Variants in JTB observed in about 807,000 individuals in gnomAD.
JTB encodes protein JTB.
Under a neutral mutation model 22.1 loss-of-function variants are expected in JTB, and 10 were observed. That is an observed-to-expected ratio of 0.45 (90% CI 0.28 to 0.77). The LOEUF (loss-of-function observed/expected upper bound fraction) is 0.77. Ranked by LOEUF, JTB falls within the 30% of genes least tolerant of loss-of-function variation. The pLI is 0.13. For synonymous variants in JTB, 83 were observed against 66.8 expected (o/e 1.24, Z -1.18); for missense variants, 137 against 180.3 (o/e 0.76, Z 1.38).
At chr1:153,977,090 A>G in intron 1 of JTB, 77 bp from the exon 2 acceptor site, 2 of 1,614,034 alleles carry the variant, frequency 1.2e-6, no homozygotes, top group Non-Finnish European at 1.7e-6. Flanking sequence ...GTCCATGGAT[A>G]AGATCTCCCC....
At position 153,974,592 on chromosome 1, in the gene JTB, A is replaced by G. The variant is rs1648712790; in HGVS notation, c.*87T>C. On this transcript the variant is annotated 3_prime_UTR_variant, in exon 5 of 5. Coordinates refer to ENST00000271843, the MANE Select transcript of JTB (RefSeq NM_006694.4). ...AAAGGGGATTCCACCACAAGGCTCC[A>G]AAGAACCAAGAGTGCAAATCAGTCC... 2 of 1,178,910 alleles carry G rather than the reference A, an allele frequency of 1.7e-6. No homozygotes were observed. Among genetic ancestry groups the G allele is most frequent in the Non-Finnish European group, 2.4e-6 (2 of 830,068 alleles). 73.0% of individuals were successfully genotyped at this position (1,178,910 alleles called of 1,614,324 possible). A position where few individuals can be genotyped will look rare whatever the true frequency, so the allele number is the denominator to read the frequency against.
chr1:153,974,598 C>A lies in JTB; in HGVS notation c.*81G>T. The A allele has an allele frequency of 8.1e-7, 1 of 1,238,768 alleles. No individual in the cohort carries two copies. Among genetic ancestry groups the A allele is most frequent in the South Asian group, 1.5e-5 (1 of 66,524 alleles). The allele number at this position is 1,238,768 out of a possible 1,614,324, so 76.7% of individuals were successfully genotyped here. ...GATTCCACCACAAGGCTCCAAAGAA[C>A]CAAGAGTGCAAATCAGTCCATTTCA... On this transcript the variant is annotated 3_prime_UTR_variant, in exon 5 of 5. Transcript: ENST00000271843.
chr1:153,976,820 T>A, intron 2 of JTB, 45 bp from the exon 3 acceptor site: 1 of 1,607,984 alleles, frequency 6.2e-7, no homozygotes, highest in Non-Finnish European at 8.5e-7. Flanking sequence ...TCAGAAAACA[T>A]TTCTCCCAGG....
Position 153,975,743 on chromosome 1 carries a change from C to G in JTB, c.284+83G>C. ...TCTTTCAGATATTCCATGCTACCCC[C>G]AGACCAGGGGAAAAGGTGGGACCAT... On this transcript the variant is annotated intron_variant, in intron 4 of 4. Transcript: ENST00000271843. The G allele has an allele frequency of 4.5e-6, 5 of 1,102,276 alleles. No homozygotes were observed. The South Asian group carries it at 6.5e-5, about 14-fold the overall frequency. 68.3% of individuals were successfully genotyped at this position (1,102,276 alleles called of 1,614,324 possible). A position where few individuals can be genotyped will look rare whatever the true frequency, so the allele number is the denominator to read the frequency against.
At position 153,977,028 on chromosome 1, in the gene JTB, G is replaced by T. The variant is rs1190136832; in HGVS notation, c.84-15C>A. On this transcript the variant is annotated splice_polypyrimidine_tract_variant and intron_variant, in intron 1 of 4. Transcript: ENST00000271843. The stretch of plus-strand genomic sequence containing the variant: ...CCTCTGCTTGGCTGTAGCGGAGTTG[G>T]GGGAAGGGACAAAAGTCAAAACCCA... 1 of 1,614,172 alleles carries T rather than the reference G, an allele frequency of 6.2e-7. No individual in the cohort carries two copies. Among genetic ancestry groups the T allele is most frequent in the Admixed American group, 1.7e-5 (1 of 60,012 alleles).
chr1:153,974,875 G>A, intron 4 of JTB, 40 bp from the exon 5 acceptor site: 1 of 1,581,594 alleles, frequency 6.3e-7, no homozygotes, highest in African/African-American at 1.3e-5. Context: ...AGGAAGGCCA[G>A]ACAGCTTCTC....
chr1:153,976,727 G>A lies in JTB; in HGVS notation c.170C>T (p.Ala57Val), dbSNP rs1243226982. 1.2e-6 allele frequency: 2 copies of A among 1,613,960 alleles called. No individual in the cohort carries two copies. The highest frequency in any genetic ancestry group is 1.3e-5 in the African/African-American group (1 of 74,902). Residue 57 changes from alanine (A) to valine (V), a missense_variant, in exon 3 of 5, where the codon GCA becomes GTA. Ala to Val is a moderately conservative substitution (Grantham distance 64). Transcript: ENST00000271843. ...ATTAGAGCATGGAGAGCACTCTTCT[G>A]CTACCACAAACTCTTCCACCAGCCA... is the stretch of plus-strand genomic sequence containing the variant. ...PCWLVEEFVV[A>V]EECSPCSNFR...
chr1:153,976,794 G>A lies in JTB; in HGVS notation c.122-19C>T, dbSNP rs1362023270. ...GTGCTTGCTGAAAGGAAAGATAAATGCCAGCCCCAGGCCATTCAGAAAACA... is the reference window on the plus strand; with the variant it reads ...GTGCTTGCTGAAAGGAAAGATAAATACCAGCCCCAGGCCATTCAGAAAACA... On this transcript the variant is annotated intron_variant, in intron 2 of 4. Coordinates refer to ENST00000271843, the MANE Select transcript of JTB (RefSeq NM_006694.4). The A allele has an allele frequency of 6.2e-7, 1 of 1,612,774 alleles. No individual in the cohort carries two copies. Among genetic ancestry groups the A allele is most frequent in the Admixed American group, 1.7e-5 (1 of 60,018 alleles).
At position 153,976,704 on chromosome 1, in the gene JTB, T is replaced by C; in HGVS notation, c.193A>G (p.Asn65Asp). The C allele has an allele frequency of 6.2e-7, 1 of 1,613,066 alleles. No individual in the cohort carries two copies. The highest frequency in any genetic ancestry group is 8.5e-7 in the Non-Finnish European group (1 of 1,179,718). The change falls in exon 3 of 5, where the codon AAT becomes GAT. Residue 65 changes from asparagine to aspartate, a missense_variant. Asn to Asp is a conservative substitution (Grantham distance 23). Transcript: ENST00000271843. ...AAATAGATACTCACAGCCCGGAAAT[T>C]AGAGCATGGAGAGCACTCTTCTGCT... is the stretch of plus-strand genomic sequence containing the variant. The part of the protein sequence containing the change: ...VVAEECSPCS[N>D]FRAKTTPECG...
At position 153,974,630 on chromosome 1, in the gene JTB, C is replaced by G; in HGVS notation, c.*49G>C. On this transcript the variant is annotated 3_prime_UTR_variant, in exon 5 of 5. Transcript: ENST00000271843. ...TGCAAATCAGTCCATTTCACTTTCA[C>G]TGTCTGAGATAGGGTCTCTAAGACC... 1 of 1,514,852 alleles carries G rather than the reference C, an allele frequency of 6.6e-7. No homozygotes were observed. Among genetic ancestry groups the G allele is most frequent in the Admixed American group, 1.8e-5 (1 of 56,200 alleles). 93.8% of individuals were successfully genotyped at this position (1,514,852 alleles called of 1,614,324 possible).
intron 3 of JTB, 109 bp downstream of exon 3, chr1:153,976,584 G>GA (rs1648802926): frequency 2.2e-6 from 2 of 916,186 alleles, no homozygotes; most frequent in Non-Finnish European, 1.7e-6. Context: ...CAAGAAGAAA[G>GA]AAAAAAAGAT....
rs966167557 is a variant in JTB at position 153,977,652 on chromosome 1, G to C, written c.-400C>G. 2 of 996,312 alleles carry C rather than the reference G, an allele frequency of 2.0e-6. No individual in the cohort carries two copies. Among genetic ancestry groups the C allele is most frequent in the Non-Finnish European group, 2.4e-6 (2 of 836,954 alleles). The allele number at this position is 996,312 out of a possible 1,614,324, so 61.7% of individuals were successfully genotyped here. ...GGGGCGTTCGGTCGTCGCCCGCTGGGGCTTATAGTCTTCCGCGTCGGTGGC... is the reference window on the plus strand; with the variant it reads ...GGGGCGTTCGGTCGTCGCCCGCTGGCGCTTATAGTCTTCCGCGTCGGTGGC... On this transcript the variant is annotated 5_prime_UTR_variant, in exon 1 of 5. Coordinates refer to ENST00000271843, the MANE Select transcript of JTB (RefSeq NM_006694.4).
rs1283421380 is a variant in JTB at position 153,977,578 on chromosome 1, CG to C, written c.-327del. The C allele has an allele frequency of 9.5e-6, 10 of 1,052,340 alleles. No individual in the cohort carries two copies. Among genetic ancestry groups the C allele is most frequent in the Non-Finnish European group, 1.1e-5 (10 of 871,624 alleles). 65.2% of individuals were successfully genotyped at this position (1,052,340 alleles called of 1,614,324 possible). A position where few individuals can be genotyped will look rare whatever the true frequency, so the allele number is the denominator to read the frequency against. On this transcript the variant is annotated 5_prime_UTR_variant, in exon 1 of 5. Coordinates refer to ENST00000271843, the MANE Select transcript of JTB (RefSeq NM_006694.4). ...CGCCCCCGACGCAGCCATCTAGCCC[CG>C]TGGAGGATCCTCGGGCGCGGGACCG...
chr1:153,975,579 C>A (rs893102445), intron 4 of JTB, among the ~76,000 whole-genome samples: 2 of 152,032 alleles, frequency 1.3e-5, no homozygotes, highest in East Asian at 1.9e-4. Flanking sequence ...ACCCACCACA[C>A]CAGCTAATTT....
intron 3 of JTB, among the ~76,000 whole-genome samples, chr1:153,976,429 C>T (rs1172703728): frequency 6.6e-6 from 1 of 152,160 alleles, no homozygotes; most frequent in Non-Finnish European, 1.5e-5. Flanking sequence ...CCACTGCACT[C>T]CAGCCTGGGC....
At chr1:153,975,976 G>T in intron 3 of JTB, 71 bp from the exon 4 acceptor site, 1 of 1,079,136 alleles carries the variant, frequency 9.3e-7, no homozygotes, top group Non-Finnish European at 1.4e-6. Flanking sequence ...CTGCCATTCA[G>T]AAGGTGCAGG....
Position 153,977,164 on chromosome 1 carries a change from C to T in JTB, c.83+6G>A. 4 of 1,614,178 alleles carry T rather than the reference C, an allele frequency of 2.5e-6. No homozygotes were observed. Among genetic ancestry groups the T allele is most frequent in the Non-Finnish European group, 3.4e-6 (4 of 1,180,006 alleles). On this transcript the variant is annotated splice_donor_region_variant and intron_variant, in intron 1 of 4. Transcript: ENST00000271843. ...CTCCTTTTCCCTCCCCTTACCTCCTCCTTACCAGAGCTTTAAGGTGAAAGC... is the reference window on the plus strand; with the variant it reads ...CTCCTTTTCCCTCCCCTTACCTCCTTCTTACCAGAGCTTTAAGGTGAAAGC...
In JTB at chr1:153,977,616, C is replaced by T; in HGVS notation, c.-364G>A. 5.9e-6 allele frequency: 6 copies of T among 1,020,622 alleles called. No individual in the cohort carries two copies. Among genetic ancestry groups the T allele is most frequent in the Non-Finnish European group, 5.9e-6 (5 of 852,024 alleles). The allele number at this position is 1,020,622 out of a possible 1,614,324, so 63.2% of individuals were successfully genotyped here. ...CGGGCGCGGGACCGAGCTCGGGGCC[C>T]GGTGTTCCCGGGGGCGTTCGGTCGT... On this transcript the variant is annotated 5_prime_UTR_variant, in exon 1 of 5. Transcript: ENST00000271843.
chr1:153,974,763 G>A lies in JTB; in HGVS notation c.357C>T (p.Ile119=), dbSNP rs1418015629. 6.2e-7 allele frequency: 1 copy of A among 1,613,890 alleles called. No homozygotes were observed. The highest frequency in any genetic ancestry group is 2.2e-5 in the East Asian group (1 of 44,874). The change falls in exon 5 of 5, where the codon ATC becomes ATT. Residue 119 remains isoleucine, a synonymous_variant. Coordinates refer to ENST00000271843, the MANE Select transcript of JTB (RefSeq NM_006694.4). ...GACGAATGATGACAAGACAAGCGAA[G>A]ATCAGGGCCACACACACGACAGCCC... ...FEGAVVCVAL[I]FACLVIIRQR...
Sources: gnomAD v4.1 joint callset for allele counts (sites outside exome capture counted in the v4.1 genomes callset) on GRCh38, gnomAD v4.1.1 for gene constraint, MANE v1.5 for transcripts, NCBI Gene and HGNC (gene_info 2026-07-23, HGNC 2026-07-21) for gene names.